The following CNTNAP2 variants were observed in gnomAD, a reference collection of about 807,000 sequenced individuals.
CNTNAP2 encodes the protein contactin-associated protein-like 2.
CNTNAP2 carries 98 observed loss-of-function variants against 155.2 expected under a neutral mutation model. The ratio of observed to expected loss-of-function variants is 0.63; its 90% CI spans 0.54 to 0.75. CNTNAP2 has a LOEUF of 0.75. Ranked by LOEUF, CNTNAP2 falls within the 30% of genes least tolerant of loss-of-function variation. The pLI, the probability that CNTNAP2 is intolerant of heterozygous loss-of-function variation, is 0.00. For missense variants in CNTNAP2, 1,727 were observed against 1,688.1 expected, an observed-to-expected ratio of 1.02 and a Z score of -0.40; for synonymous variants, 651 against 631.2, an observed-to-expected ratio of 1.03 and a Z score of -0.47.
chr7:147,691,857 C>A (rs796383677), intron 13 of CNTNAP2, among the ~76,000 whole-genome samples: 3 of 152,212 alleles, frequency 2.0e-5, no homozygotes, highest in African/African-American at 7.2e-5. Context: ...TAAACCTACA[C>A]AGACACATCA....
intron 1 of CNTNAP2, among the ~76,000 whole-genome samples, chr7:146,450,452 A>G (rs1047700178): frequency 6.6e-6 from 1 of 152,234 alleles, no homozygotes; most frequent in African/African-American, 2.4e-5. Context: ...AGCTGGGATG[A>G]AATTTCCAAG....
intron 11 of CNTNAP2, among the ~76,000 whole-genome samples, chr7:147,552,402 C>T (rs1033296937): frequency 2.2e-4 from 33 of 151,924 alleles, no homozygotes; most frequent in African/African-American, 7.7e-4. Flanking sequence ...AGTATACAAA[C>T]GTAGCTATCT....
Position 148,277,508 on chromosome 7 carries a change from AC to A in CNTNAP2, c.3475+10383del, listed in dbSNP as rs147540871. Among the ~76,000 whole-genome samples, 759 of 152,212 alleles carry A rather than the reference AC, an allele frequency of 5.0e-3. 4 individuals are homozygous for A. The highest frequency in any genetic ancestry group is 0.016 in the African/African-American group (672 of 41,520). On this transcript the variant is annotated intron_variant, in intron 21 of 23. Coordinates refer to ENST00000361727, the MANE Select transcript of CNTNAP2 (RefSeq NM_014141.6). ...ATGCTGCACGAGAATGAGATGATGCACGTGAGGACCAGAGACCCTGTCGGCT... is the reference window on the plus strand; with the variant it reads ...ATGCTGCACGAGAATGAGATGATGCAGTGAGGACCAGAGACCCTGTCGGCT...
At chr7:146,738,088 C>A (rs903265665) in intron 1 of CNTNAP2, among the ~76,000 whole-genome samples, 2 of 151,976 alleles carry the variant, frequency 1.3e-5, no homozygotes, top group African/African-American at 4.8e-5. Flanking sequence ...TGTTGAGGAG[C>A]CTCCATCCTG....
At position 147,300,223 on chromosome 7, in the gene CNTNAP2, T is replaced by G; in HGVS notation, c.1431T>G (p.Asp477Glu). 6.2e-7 allele frequency: 1 copy of G among 1,614,008 alleles called. No individual in the cohort carries two copies. Among genetic ancestry groups the G allele is most frequent in the Non-Finnish European group, 8.5e-7 (1 of 1,179,942 alleles). The change falls in exon 9 of 24, where the codon GAT becomes GAG. Residue 477 changes from aspartate to glutamate, a missense_variant. Asp to Glu is a conservative substitution (Grantham distance 45). Coordinates refer to ENST00000361727, the MANE Select transcript of CNTNAP2 (RefSeq NM_014141.6). ...TTGCTATTCTCACCATCGATGGAGA[T>G]GAAGCATCAGCAGTTCGAACTAATA... The part of the protein sequence containing the change: ...ENFAILTIDG[D>E]EASAVRTNSP...
At chr7:147,730,110 A>T (rs1021249281) in intron 13 of CNTNAP2, among the ~76,000 whole-genome samples, 1 of 152,132 alleles carries the variant, frequency 6.6e-6, no homozygotes, top group African/African-American at 2.4e-5. Context: ...GAGTTAGCAC[A>T]TCTGATCATT....
chr7:148,013,806 A>G (rs547988152), intron 15 of CNTNAP2, among the ~76,000 whole-genome samples: 91 of 152,258 alleles, frequency 6.0e-4, no homozygotes, highest in Admixed American at 1.0e-3. Context: ...TGTTTGTCAT[A>G]AAGTTAAGTA....
intron 1 of CNTNAP2, among the ~76,000 whole-genome samples, chr7:146,387,071 C>T (rs753902747): frequency 6.6e-6 from 1 of 152,144 alleles, no homozygotes; most frequent in Non-Finnish European, 1.5e-5. Context: ...AAAGCACTCC[C>T]AAGTCAAGCC....
At chr7:146,758,629 T>A (rs768448131) in intron 1 of CNTNAP2, among the ~76,000 whole-genome samples, 7 of 152,066 alleles carry the variant, frequency 4.6e-5, no homozygotes, top group Non-Finnish European at 7.4e-5. Flanking sequence ...GCAGGGAAAC[T>A]CTCCTTTCTA....
At chr7:147,183,779 G>T (rs765953779) in intron 8 of CNTNAP2, among the ~76,000 whole-genome samples, 1 of 152,088 alleles carries the variant, frequency 6.6e-6, no homozygotes, top group Non-Finnish European at 1.5e-5. Context: ...TCTCAGAATG[G>T]AGATTACTAC....
intron 9 of CNTNAP2, among the ~76,000 whole-genome samples, chr7:147,376,270 C>G (rs1230047348): frequency 2.6e-5 from 4 of 151,742 alleles, no homozygotes; most frequent in African/African-American, 9.7e-5. Context: ...GGCAGATAGT[C>G]GAAGGAGAGA....
intron 1 of CNTNAP2, among the ~76,000 whole-genome samples, chr7:146,202,895 T>G (rs935052844): frequency 1.3e-5 from 2 of 152,216 alleles, no homozygotes; most frequent in African/African-American, 2.4e-5. Context: ...TTCCTATTTT[T>G]TTGTACTTCA....
intron 3 of CNTNAP2, chr7:146,915,808 A>C (rs139233928): frequency 1.2e-3 from 176 of 152,192 alleles, no homozygotes; most frequent in African/African-American, 4.0e-3. Flanking sequence ...GATACACTTT[A>C]TTTCTTTCTC....
intron 8 of CNTNAP2, among the ~76,000 whole-genome samples, chr7:147,199,789 C>A (rs984492077): frequency 4.0e-5 from 6 of 151,406 alleles, no homozygotes; most frequent in Non-Finnish European, 8.8e-5. Flanking sequence ...AAAGCCTGTA[C>A]ATTTTTGAGA....
intron 1 of CNTNAP2, among the ~76,000 whole-genome samples, chr7:146,151,702 A>ATATG (rs1554396916): frequency 9.3e-5 from 5 of 53,588 alleles, no homozygotes; most frequent in African/African-American, 5.7e-4. Context: ...ATATATGTAT[A>ATATG]TATATATATA....
chr7:147,673,635 G>T (rs191594683), intron 13 of CNTNAP2, among the ~76,000 whole-genome samples: 60 of 152,238 alleles, frequency 3.9e-4, no homozygotes, highest in Middle Eastern at 3.4e-3. Context: ...TAAATTAAAT[G>T]CTCTGCTGCT....
chr7:148,236,685 C>A (rs1449059628), intron 20 of CNTNAP2, among the ~76,000 whole-genome samples: 2 of 152,014 alleles, frequency 1.3e-5, no homozygotes, highest in Non-Finnish European at 2.9e-5. Flanking sequence ...CTGAGTAATT[C>A]ATAAAGAAAA....
chr7:146,367,348 C>A (rs1273925506), intron 1 of CNTNAP2, among the ~76,000 whole-genome samples: 1 of 152,148 alleles, frequency 6.6e-6, no homozygotes, highest in African/African-American at 2.4e-5. Context: ...ACATTTCATT[C>A]TATGCCTGCA....
chr7:146,950,571 G>A (rs1374639671), intron 3 of CNTNAP2, among the ~76,000 whole-genome samples: 1 of 152,086 alleles, frequency 6.6e-6, no homozygotes, highest in Non-Finnish European at 1.5e-5. Flanking sequence ...GTGTTAATTT[G>A]CTGAGAATGA....
Sources: allele counts gnomAD v4.1 joint callset (sites outside exome capture counted in the v4.1 genomes callset), GRCh38; gene constraint gnomAD v4.1.1; transcripts MANE v1.5; gene names NCBI Gene and HGNC (gene_info 2026-07-23, HGNC 2026-07-21).